RNF212B: variants seen among roughly 807,000 people sequenced by gnomAD.
The protein encoded by RNF212B is E3 ubiquitin-protein ligase RNF212B.
RNF212B carries 52 observed loss-of-function variants against 55.5 expected under a neutral mutation model. The observed-to-expected ratio is 0.94, with a 90% CI of 0.75 to 1.18. The LOEUF (loss-of-function observed/expected upper bound fraction) is 1.18. Among genes scored for constraint, RNF212B ranks in the 50% most tolerant of loss-of-function variants. The probability of loss-of-function intolerance (pLI) is 0.00; values close to 1 mark genes in which losing one functional copy is unlikely to be tolerated. For synonymous variants in RNF212B, 99 were observed against 121.4 expected, an observed-to-expected ratio of 0.82 and a Z score of 1.21; for missense variants, 289 against 350.4, an observed-to-expected ratio of 0.82 and a Z score of 1.40.
intron 2 of RNF212B, among the ~76,000 whole-genome samples, chr14:23,212,017 C>T (rs1433662430): frequency 1.3e-5 from 2 of 152,088 alleles, no homozygotes; most frequent in African/African-American, 4.8e-5. Context: ...CATGAGCCAC[C>T]GTGCCTGACC....
At chr14:23,208,958 T>C (rs12885446) in intron 2 of RNF212B, among the ~76,000 whole-genome samples, 68,867 of 150,262 alleles carry the variant, frequency 0.46, 18,805 homozygotes, top group Admixed American at 0.6. Flanking sequence ...CGGGGTTTCA[T>C]CGTGTTAGCC....
At chr14:23,190,667 C>T (rs1037252877) in intron 1 of RNF212B, among the ~76,000 whole-genome samples, 16 of 152,088 alleles carry the variant, frequency 1.1e-4, no homozygotes, top group Non-Finnish European at 1.9e-4. Context: ...CTCCCAATTT[C>T]CACATGTTTC....
upstream of RNF212B, among the ~76,000 whole-genome samples, chr14:23,237,157 T>A (rs954615301): frequency 1.4e-5 from 2 of 147,550 alleles, no homozygotes; most frequent in Non-Finnish European, 3.0e-5. Flanking sequence ...AAAGACGGAG[T>A]CTCTCTCTGT....
intron 2 of RNF212B, among the ~76,000 whole-genome samples, chr14:23,207,660 C>T (rs1879982558): frequency 6.6e-6 from 1 of 152,158 alleles, no homozygotes; most frequent in Non-Finnish European, 1.5e-5. Context: ...CACTCAGAAT[C>T]CTCCCATGGT....
chr14:23,241,671 G>A (rs1482778508), intron 2 of RNF212B, among the ~76,000 whole-genome samples: 1 of 152,008 alleles, frequency 6.6e-6, no homozygotes, highest in East Asian at 1.9e-4. Context: ...TGATCCGCCT[G>A]CCTCAGCCTC....
At chr14:23,254,296 AC>A (rs1566431945) in intron 4 of RNF212B, among the ~76,000 whole-genome samples, 11,563 of 145,102 alleles carry the variant, frequency 0.08, 849 homozygotes, top group East Asian at 0.11. Flanking sequence ...CAAAAACAAA[AC>A]AAAACAAAAC....
chr14:23,248,337 T>C (rs762025270), intron 4 of RNF212B, among the ~76,000 whole-genome samples: 1 of 149,994 alleles, frequency 6.7e-6, no homozygotes, highest in African/African-American at 2.5e-5. Context: ...GGTTTTACCA[T>C]GTTGCCCAGG....
At chr14:23,205,300 T>A (rs2331941) in intron 2 of RNF212B, among the ~76,000 whole-genome samples, 6 of 137,764 alleles carry the variant, frequency 4.4e-5, no homozygotes, top group South Asian at 2.3e-4. Context: ...CTCTTTTTTT[T>A]AAAAAAAGGA....
intron 4 of RNF212B, among the ~76,000 whole-genome samples, chr14:23,254,850 C>T (rs1884703343): frequency 6.6e-6 from 1 of 152,186 alleles, no homozygotes; most frequent in Non-Finnish European, 1.5e-5. Context: ...CTCTTTCCAA[C>T]CTTTTGTTGG....
At chr14:23,255,724 AAAGC>A (rs1381400155) in intron 4 of RNF212B, among the ~76,000 whole-genome samples, 4 of 152,234 alleles carry the variant, frequency 2.6e-5, no homozygotes, top group Non-Finnish European at 5.9e-5. Context: ...AATTTTTAAA[AAAGC>A]AAGCAAGCAA....
At chr14:23,236,961 CTTTT>C (rs1462199563), upstream of RNF212B, among the ~76,000 whole-genome samples, 1 of 137,986 alleles carries the variant, frequency 7.2e-6, no homozygotes. Context: ...CTGTCTCTCT[CTTTT>C]TTTTTTTTTT....
intron 1 of RNF212B, among the ~76,000 whole-genome samples, 185 bp downstream of exon 1, chr14:23,238,240 C>T (rs925794754): frequency 6.7e-6 from 1 of 149,526 alleles, no homozygotes; most frequent in African/African-American, 2.6e-5. Flanking sequence ...CAAACCTGGG[C>T]ATATAGAACG....
chr14:23,271,551 C>T (rs1028377683), intron 14 of RNF212B, among the ~76,000 whole-genome samples: 2 of 151,394 alleles, frequency 1.3e-5, no homozygotes, highest in Non-Finnish European at 2.9e-5. Context: ...CTTTTTCACT[C>T]CAAGCTCCTG....
intron 2 of RNF212B, among the ~76,000 whole-genome samples, chr14:23,219,795 T>C (rs186149192): frequency 6.6e-6 from 1 of 152,178 alleles, no homozygotes; most frequent in Admixed American, 6.5e-5. Flanking sequence ...TTTTAGTGTG[T>C]TTGTTTGTAT....
chr14:23,231,283 ATT>A (rs1341571812), intron 2 of RNF212B, among the ~76,000 whole-genome samples: 1 of 152,166 alleles, frequency 6.6e-6, no homozygotes, highest in Non-Finnish European at 1.5e-5. Flanking sequence ...ATTCCTAAAT[ATT>A]TTATCCTTCT....
At chr14:23,264,506 A>G in intron 10 of RNF212B, 117 bp from the exon 11 acceptor site, 1 of 785,302 alleles carries the variant, frequency 1.3e-6, no homozygotes, top group Non-Finnish European at 2.0e-6. Flanking sequence ...TTTGACTAGT[A>G]TGCCCACTGC....
At chr14:23,200,982 T>C (rs1184030270) in intron 2 of RNF212B, among the ~76,000 whole-genome samples, 1 of 152,230 alleles carries the variant, frequency 6.6e-6, no homozygotes, top group East Asian at 1.9e-4. Context: ...GAAACAAATA[T>C]GCTCCAAATT....
intron 2 of RNF212B, among the ~76,000 whole-genome samples, chr14:23,242,116 A>AAAGAAG (rs1351989763): frequency 6.6e-6 from 1 of 151,356 alleles, no homozygotes; most frequent in African/African-American, 2.4e-5. Context: ...AAGAAAAGAA[A>AAAGAAG]AAGAAAAAGA....
chr14:23,190,282 A>T (rs1347507409), intron 1 of RNF212B, among the ~76,000 whole-genome samples: 2 of 151,626 alleles, frequency 1.3e-5, no homozygotes, highest in Non-Finnish European at 2.9e-5. Flanking sequence ...TCTTGCATAA[A>T]CTCTAGAATG....
Sources: gnomAD v4.1 joint callset for allele counts (sites outside exome capture counted in the v4.1 genomes callset) on GRCh38, gnomAD v4.1.1 for gene constraint, MANE v1.5 for transcripts, NCBI Gene and HGNC (gene_info 2026-07-23, HGNC 2026-07-21) for gene names.